GALNT13: variants seen among roughly 807,000 people sequenced by gnomAD.
GALNT13 encodes polypeptide N-acetylgalactosaminyltransferase 13, also known as UDP-GalNAc:polypeptide N-acetylgalactosaminyltransferase 13.
Under a neutral mutation model 64.2 loss-of-function variants are expected in GALNT13, and 28 were observed. That is an observed-to-expected ratio of 0.44 (90% CI 0.32 to 0.60). The LOEUF is 0.60. Ranked by LOEUF, GALNT13 falls within the 20% of genes least tolerant of loss-of-function variation. The pLI is 0.05. For synonymous variants in GALNT13, 214 were observed against 224.6 expected (o/e 0.95, Z 0.42); for missense variants, 577 against 669.8 (o/e 0.86, Z 1.53).
the GALNT13 span, among the ~76,000 whole-genome samples, chr2:153,132,247 G>C: frequency 6.6e-6 from 1 of 152,108 alleles, no homozygotes; most frequent in African/African-American, 2.4e-5. Flanking sequence ...AGCTGGTGGG[G>C]GAGAAATAGA....
chr2:154,285,598 A>G (rs1424657426), intron 8 of GALNT13, among the ~76,000 whole-genome samples: 2 of 152,108 alleles, frequency 1.3e-5, no homozygotes, highest in East Asian at 1.9e-4. Flanking sequence ...TGCCAGTCCC[A>G]TGCTTTTTTG....
chr2:153,158,472 G>T, the GALNT13 span, among the ~76,000 whole-genome samples: 1 of 152,070 alleles, frequency 6.6e-6, no homozygotes, highest in Admixed American at 6.6e-5. Flanking sequence ...ATCTGTATAT[G>T]GTCATGCTTC....
At chr2:153,513,654 T>A in the GALNT13 span, among the ~76,000 whole-genome samples, 2 of 152,162 alleles carry the variant, frequency 1.3e-5, no homozygotes, top group Admixed American at 1.3e-4. Flanking sequence ...TTGTTTCCAT[T>A]CCCATACCTA....
chr2:153,218,655 T>C, the GALNT13 span, among the ~76,000 whole-genome samples: 12 of 152,224 alleles, frequency 7.9e-5, no homozygotes, highest in African/African-American at 2.9e-4. Flanking sequence ...TGTTTTTCGA[T>C]TTGGAGCACT....
the GALNT13 span, among the ~76,000 whole-genome samples, chr2:153,395,311 G>T: frequency 6.6e-6 from 1 of 152,138 alleles, no homozygotes; most frequent in Non-Finnish European, 1.5e-5. Flanking sequence ...TTGAGGGTCA[G>T]TTTAGAATTC....
chr2:154,350,747 G>A (rs1205667149), intron 9 of GALNT13, among the ~76,000 whole-genome samples: 1 of 152,148 alleles, frequency 6.6e-6, no homozygotes, highest in East Asian at 1.9e-4. Flanking sequence ...GCGGGGGAAG[G>A]TACAGTAGCC....
At chr2:154,000,886 G>A (rs949940081) in intron 3 of GALNT13, among the ~76,000 whole-genome samples, 1 of 151,976 alleles carries the variant, frequency 6.6e-6, no homozygotes, top group African/African-American at 2.4e-5. Context: ...TGAAAATGGG[G>A]AGTTGACATC....
At chr2:154,334,504 A>G (rs1282562067) in intron 9 of GALNT13, among the ~76,000 whole-genome samples, 3 of 152,060 alleles carry the variant, frequency 2.0e-5, no homozygotes, top group African/African-American at 7.2e-5. Flanking sequence ...GTGGGTTTTT[A>G]GTTCTGATCA....
At chr2:153,099,784 A>G in the GALNT13 span, among the ~76,000 whole-genome samples, 1 of 152,162 alleles carries the variant, frequency 6.6e-6, no homozygotes, top group African/African-American at 2.4e-5. Context: ...GCATTAGGCA[A>G]TTAATATTTA....
the GALNT13 span, among the ~76,000 whole-genome samples, chr2:153,564,533 T>C: frequency 6.6e-6 from 1 of 152,080 alleles, no homozygotes; most frequent in African/African-American, 2.4e-5. Flanking sequence ...AAACAGCTGA[T>C]GTGAATATTT....
At chr2:154,043,415 TATATATA>T (rs1444568708) in intron 3 of GALNT13, among the ~76,000 whole-genome samples, 1,059 of 83,616 alleles carry the variant, frequency 0.013, 54 homozygotes, top group African/African-American at 0.046. Context: ...TAAGGACTTT[TATATATA>T]TATATATATA....
In GALNT13 at chr2:154,207,536, C is replaced by CT. The variant is rs1490736496; in HGVS notation, c.312-34494_312-34493insT. On this transcript the variant is annotated intron_variant, in intron 4 of 12. Coordinates refer to ENST00000392825, the MANE Select transcript of GALNT13 (RefSeq NM_052917.4). ...TAGGAGGAGTGAGTTAATACATGTG[C>CT]CTGGCAAATAATCAGTGGTCATTAA... Among the ~76,000 whole-genome samples the CT allele has an allele frequency of 9.2e-5, 14 of 152,092 alleles. No individual in the cohort carries two copies. The South Asian group carries it at 2.3e-3, about 25-fold the overall frequency.
intron 3 of GALNT13, among the ~76,000 whole-genome samples, chr2:153,961,740 T>C (rs1692958334): frequency 6.6e-6 from 1 of 151,960 alleles, no homozygotes; most frequent in African/African-American, 2.4e-5. Flanking sequence ...ATTCCACAAA[T>C]ACTTGATTGA....
At chr2:153,256,670 T>G in the GALNT13 span, among the ~76,000 whole-genome samples, 1 of 152,182 alleles carries the variant, frequency 6.6e-6, no homozygotes, top group Non-Finnish European at 1.5e-5. Flanking sequence ...TTTGTTAGTT[T>G]TCCTTCTAAC....
the GALNT13 span, among the ~76,000 whole-genome samples, chr2:153,316,095 A>G: frequency 6.6e-6 from 1 of 152,196 alleles, no homozygotes; most frequent in South Asian, 2.1e-4. Context: ...GGAGTAGTGT[A>G]AAACAAAAGG....
At chr2:153,713,871 T>C in the GALNT13 span, among the ~76,000 whole-genome samples, 2 of 152,164 alleles carry the variant, frequency 1.3e-5, no homozygotes, top group African/African-American at 2.4e-5. Flanking sequence ...GTACTGCCAC[T>C]TAGATCTCAA....
At chr2:153,644,098 G>C in the GALNT13 span, among the ~76,000 whole-genome samples, 2 of 151,940 alleles carry the variant, frequency 1.3e-5, no homozygotes, top group African/African-American at 4.8e-5. Flanking sequence ...ATGAGGAATA[G>C]AAAGGAGGGA....
At chr2:153,902,964 C>T (rs1287395981) in intron 2 of GALNT13, among the ~76,000 whole-genome samples, 3 of 152,004 alleles carry the variant, frequency 2.0e-5, no homozygotes, top group African/African-American at 7.2e-5. Context: ...TCCAGGATTA[C>T]TGAGCTGGAA....
chr2:154,305,054 A>C (rs1693654688), intron 9 of GALNT13, among the ~76,000 whole-genome samples: 1 of 152,336 alleles, frequency 6.6e-6, no homozygotes, highest in South Asian at 2.1e-4. Context: ...TGGATGTCTA[A>C]AACAATTTGA....
Sources: allele counts gnomAD v4.1 joint callset (sites outside exome capture counted in the v4.1 genomes callset), GRCh38; gene constraint gnomAD v4.1.1; transcripts MANE v1.5; gene names NCBI Gene and HGNC (gene_info 2026-07-23, HGNC 2026-07-21).